Variants in RGS5 observed in about 807,000 individuals in gnomAD.
The protein encoded by RGS5 is regulator of G-protein signalling 5.
RGS5 carries 20 observed loss-of-function variants against 18.9 expected under a neutral mutation model. The ratio of observed to expected loss-of-function variants is 1.06; its 90% CI spans 0.74 to 1.54. The LOEUF is 1.54. RGS5 is among the 40% of genes most tolerant of loss of function. RGS5 has a pLI of 0.00. For missense variants in RGS5, 201 were observed against 211.8 expected, an observed-to-expected ratio of 0.95 and a Z score of 0.32; for synonymous variants, 57 against 76.2, an observed-to-expected ratio of 0.75 and a Z score of 1.31.
At chr1:163,271,568 C>T (rs1464237643) in intron 2 of RGS5, among the ~76,000 whole-genome samples, 2 of 152,164 alleles carry the variant, frequency 1.3e-5, no homozygotes, top group South Asian at 4.1e-4. Context: ...GGCCACCCAG[C>T]CTATGGTATC....
At chr1:163,246,138 GTA>G (rs1647927509) in intron 2 of RGS5, among the ~76,000 whole-genome samples, 6 of 151,058 alleles carry the variant, frequency 4.0e-5, no homozygotes, top group East Asian at 2.0e-4. Context: ...AATGGCGTAA[GTA>G]AACCCAGGAG....
rs747277041 is a variant in RGS5 at position 163,147,304 on chromosome 1, A to C, written c.*38T>G. 1.3e-6 allele frequency: 2 copies of C among 1,549,858 alleles called. No individual in the cohort carries two copies. The highest frequency in any genetic ancestry group is 1.7e-6 in the Non-Finnish European group (2 of 1,149,916). On this transcript the variant is annotated 3_prime_UTR_variant, in exon 5 of 5. Transcript: ENST00000313961. ...GGAAATGCAGGGTTATTATGGAGGA[A>C]ATAACTCACAGGATGATTTCATAGC...
intron 1 of RGS5, among the ~76,000 whole-genome samples, chr1:163,176,403 C>T (rs1238595412): frequency 6.6e-6 from 1 of 152,202 alleles, no homozygotes. Flanking sequence ...GGGCAGATCA[C>T]CTGAGGTTGG....
chr1:163,292,336 A>C (rs1314644034), intron 2 of RGS5, among the ~76,000 whole-genome samples: 2 of 152,192 alleles, frequency 1.3e-5, no homozygotes, highest in Non-Finnish European at 2.9e-5. Context: ...ATGTCCCTGC[A>C]AAAGACATGA....
intron 1 of RGS5, among the ~76,000 whole-genome samples, chr1:163,174,927 G>T (rs1001437436): frequency 2.0e-5 from 3 of 152,136 alleles, no homozygotes; most frequent in African/African-American, 7.2e-5. Flanking sequence ...TCCAAAAGAG[G>T]TGTCCTAACA....
intron 2 of RGS5, among the ~76,000 whole-genome samples, chr1:163,242,906 G>C (rs1304728368): frequency 6.6e-6 from 1 of 152,210 alleles, no homozygotes; most frequent in African/African-American, 2.4e-5. Flanking sequence ...CTGTGGGGAA[G>C]AGAGAATAAA....
chr1:163,179,013 C>A (rs1288544612), intron 1 of RGS5, among the ~76,000 whole-genome samples: 1 of 152,190 alleles, frequency 6.6e-6, no homozygotes, highest in Admixed American at 6.5e-5. Flanking sequence ...GAGACAATGT[C>A]CAACTCCCAA....
At chr1:163,173,898 A>T (rs956358108) in intron 1 of RGS5, among the ~76,000 whole-genome samples, 1 of 151,992 alleles carries the variant, frequency 6.6e-6, no homozygotes, top group Non-Finnish European at 1.5e-5. Flanking sequence ...AGATGGTGAA[A>T]CCCCATCTCT....
At chr1:163,246,969 A>T (rs1316699829) in intron 2 of RGS5, among the ~76,000 whole-genome samples, 1 of 152,194 alleles carries the variant, frequency 6.6e-6, no homozygotes, top group Non-Finnish European at 1.5e-5. Flanking sequence ...CCCTAAGTCA[A>T]TTAATGCAGG....
At chr1:163,300,658 T>A (rs978581647) in intron 2 of RGS5, 1 of 152,210 alleles carries the variant, frequency 6.6e-6, no homozygotes, top group African/African-American at 2.4e-5. Flanking sequence ...TGGGAGATTC[T>A]GCTTGGCGAA....
intron 2 of RGS5, among the ~76,000 whole-genome samples, chr1:163,292,348 C>G (rs1246478126): frequency 2.0e-5 from 3 of 152,192 alleles, no homozygotes; most frequent in Non-Finnish European, 4.4e-5. Context: ...AAGACATGAT[C>G]TCATTCCTTT....
At chr1:163,162,003 G>C in intron 2 of RGS5, 27 bp from the exon 3 acceptor site, 1 of 1,571,472 alleles carries the variant, frequency 6.4e-7, no homozygotes, top group Non-Finnish European at 8.8e-7. Flanking sequence ...GAGAGAAAAG[G>C]GGTATGGCGT....
At chr1:163,300,257 G>C (rs1649518952) in intron 2 of RGS5, 1 of 152,214 alleles carries the variant, frequency 6.6e-6, no homozygotes, top group Non-Finnish European at 1.5e-5. Flanking sequence ...AGTCTCACTG[G>C]GACGGAAGAG....
At chr1:163,191,723 C>A (rs940407762) in intron 1 of RGS5, among the ~76,000 whole-genome samples, 10 of 152,098 alleles carry the variant, frequency 6.6e-5, no homozygotes, top group African/African-American at 2.4e-4. Flanking sequence ...GCTCCTAAAT[C>A]CCTTGGAAAT....
chr1:163,254,881 C>T (rs12140358), intron 2 of RGS5, among the ~76,000 whole-genome samples: 7,395 of 151,138 alleles, frequency 0.049, 189 homozygotes, highest in South Asian at 0.091. Flanking sequence ...GCCAGTTTTC[C>T]CAGCACCATT....
intron 2 of RGS5, among the ~76,000 whole-genome samples, chr1:163,292,976 A>C (rs908940699): frequency 6.6e-6 from 1 of 151,932 alleles, no homozygotes; most frequent in Non-Finnish European, 1.5e-5. Flanking sequence ...TTGTCTGTTT[A>C]CTCTGTTGAT....
intron 2 of RGS5, among the ~76,000 whole-genome samples, chr1:163,271,167 C>A (rs1571332001): frequency 2.6e-5 from 4 of 152,068 alleles, no homozygotes; most frequent in African/African-American, 2.4e-5. Context: ...CCTTTACTGG[C>A]CATTTTATAA....
chr1:163,176,621 C>A (rs1162344439), intron 1 of RGS5, among the ~76,000 whole-genome samples: 29 of 142,030 alleles, frequency 2.0e-4, no homozygotes, highest in East Asian at 2.0e-4. Context: ...AACTCAGTCT[C>A]AAAAAAAAAA....
chr1:163,148,659 G>A (rs1449854459), intron 4 of RGS5, among the ~76,000 whole-genome samples: 2 of 152,176 alleles, frequency 1.3e-5, no homozygotes, highest in Non-Finnish European at 2.9e-5. Context: ...CTCCAGCACT[G>A]GGATGCACTG....
Sources: allele counts gnomAD v4.1 joint callset (sites outside exome capture counted in the v4.1 genomes callset), GRCh38; gene constraint gnomAD v4.1.1; transcripts MANE v1.5; gene names NCBI Gene and HGNC (gene_info 2026-07-23, HGNC 2026-07-21).